FGFR4: variants seen among roughly 807,000 people sequenced by gnomAD.
FGFR4 encodes fibroblast growth factor receptor 4, also known as hydroxyaryl-protein kinase.
FGFR4 carries 63 observed loss-of-function variants against 89.9 expected under a neutral mutation model. That is an observed-to-expected ratio of 0.70 (90% confidence interval 0.57 to 0.86). The LOEUF is 0.86. FGFR4 is among the 40% of genes least tolerant of loss of function. The pLI, the probability that FGFR4 is intolerant of heterozygous loss-of-function variation, is 0.00. For synonymous variants in FGFR4, 486 were observed against 479.4 expected (o/e 1.01, Z -0.18); for missense variants, 928 against 1,106.7 (o/e 0.84, Z 2.29).
rs548911521 is a variant in FGFR4 at position 177,090,623 on chromosome 5, G to A, written c.325G>A (p.Val109Ile). The A allele has an allele frequency of 6.2e-5, 94 of 1,522,688 alleles. No individual in the cohort carries two copies. The South Asian group carries it at 8.7e-4, about 14-fold the overall frequency. 94.3% of individuals were successfully genotyped at this position (1,522,688 alleles called of 1,614,324 possible). ...YLCLARGSMI[V>I]LQNLTLITGD... Reference sequence around the variant, plus strand: ...CTGCCTGGCACGAGGCTCCATGATCGTCCTGCAGAATCTCACCTTGATTAC... The same window carrying A: ...CTGCCTGGCACGAGGCTCCATGATCATCCTGCAGAATCTCACCTTGATTAC... Residue 109 changes from valine (V) to isoleucine (I), a missense_variant, in exon 3 of 18, where the codon GTC becomes ATC. By Grantham distance (29) the Val-to-Ile change is conservative (BLOSUM62 3). Transcript: ENST00000292408.
At position 177,095,727 on chromosome 5, in the gene FGFR4, C is replaced by T. The variant is rs42409; in HGVS notation, c.1821+4C>T. ...GCAGTATCTGGAGTCCCGGAAGGTA[C>T]AGGCGCTAGGGCTCTGAGCCCCTCT... On this transcript the variant is annotated splice_donor_region_variant and intron_variant, in intron 13 of 17. Transcript: ENST00000292408. The surrounding 1 kb of genome is among the most constrained non-coding windows in gnomAD (Gnocchi z 5.7). 1,115,914 of 1,593,690 alleles carry T rather than the reference C, an allele frequency of 0.7. 397,395 individuals carry two copies. Among genetic ancestry groups the T allele is most frequent in the East Asian group, 0.98 (43,488 of 44,504 alleles).
rs1784425192 is a variant in FGFR4, at chr5:177,093,120, G to A, written c.1058-18G>A. Reference sequence around the variant, plus strand: ...CTGACCAGTTTGTCTGTCTGTGTGTGTCCATGTGCGAGGGCAGAGGAGGAC... The same window carrying A: ...CTGACCAGTTTGTCTGTCTGTGTGTATCCATGTGCGAGGGCAGAGGAGGAC... On this transcript the variant is annotated intron_variant, in intron 8 of 17. Transcript: ENST00000292408. The surrounding 1 kb of genome is among the most constrained non-coding windows in gnomAD (Gnocchi z 5.8). The A allele has an allele frequency of 6.2e-7, 1 of 1,614,040 alleles. No homozygotes were observed. The highest frequency in any genetic ancestry group is 8.5e-7 in the Non-Finnish European group (1 of 1,180,014).
Position 177,089,553 on chromosome 5 carries a change from G to A in FGFR4, c.-50G>A, listed in dbSNP as rs756812922. On this transcript the variant is annotated 5_prime_UTR_variant, in exon 2 of 18. Coordinates refer to ENST00000292408, the MANE Select transcript of FGFR4 (RefSeq NM_213647.3). ...CTCTTTTCCCTCCCTATTTTAGGAA[G>A]GCAGTTGGTGGGAAGTCCAGCTTGG... 6.3e-6 allele frequency: 10 copies of A among 1,579,298 alleles called. No homozygotes were observed. In the African/African-American group the frequency reaches 9.5e-5, roughly 15 times the overall value.
At chr5:177,092,532 CA>C (rs1221005393) in intron 7 of FGFR4, 21 bp downstream of exon 7, 1 of 1,561,168 alleles carries the variant, frequency 6.4e-7, no homozygotes, top group Non-Finnish European at 8.7e-7. Flanking sequence ...CACCCTGCTG[CA>C]GCCTGGGCCC....
chr5:177,089,996 G>A (rs574206733), intron 2 of FGFR4: 14 of 670,808 alleles, frequency 2.1e-5, no homozygotes, highest in African/African-American at 1.2e-4. Context: ...TGCACTGGGT[G>A]TGTGACCTAG....
chr5:177,096,276 C>T lies in FGFR4; in HGVS notation c.1945-11C>T, dbSNP rs1446500472. On this transcript the variant is annotated splice_polypyrimidine_tract_variant and intron_variant, in intron 14 of 17. Coordinates refer to ENST00000292408, the MANE Select transcript of FGFR4 (RefSeq NM_213647.3). ...GTGGGACTCTGCACTGAGGCCCTCTCTCCCCTCCAGGGCCGCCTGCCTGTG... is the reference window on the plus strand; with the variant it reads ...GTGGGACTCTGCACTGAGGCCCTCTTTCCCCTCCAGGGCCGCCTGCCTGTG... 1 of 1,614,076 alleles carries T rather than the reference C, an allele frequency of 6.2e-7. No homozygotes were observed. The highest frequency in any genetic ancestry group is 8.5e-7 in the Non-Finnish European group (1 of 1,179,982).
In FGFR4 at chr5:177,096,751, C is replaced by T; in HGVS notation, c.2153+10C>T. ...ACTGCCCCCCAGAGCTGTGAGGCCT[C>T]ACCCTGCCCTCGACCCCACTTTCCA... On this transcript the variant is annotated intron_variant, in intron 16 of 17. Transcript: ENST00000292408. 1 of 1,566,922 alleles carries T rather than the reference C, an allele frequency of 6.4e-7. No individual in the cohort carries two copies.
Position 177,095,601 on chromosome 5 carries a change from C to T in FGFR4, c.1699C>T (p.Pro567Ser), listed in dbSNP as rs755927074. 3 of 1,605,404 alleles carry T rather than the reference C, an allele frequency of 1.9e-6. No homozygotes were observed. The African/African-American group carries it at 4.0e-5, about 21-fold the overall frequency. The change falls in exon 13 of 18, where the codon CCC becomes TCC. Residue 567 changes from proline to serine, a missense_variant. Pro to Ser is a moderately conservative substitution (Grantham distance 74, BLOSUM62 -1). This residue lies in a region of FGFR4 where 741 missense variants were observed against 836.9 expected (regional missense o/e 0.89). Transcript: ENST00000292408. This position sits in a 1 kb window ranked among gnomAD's most constrained non-coding sequence, Gnocchi z 5.7. ...GCGGGAGTTCCTGCGGGCCCGGCGC[C>T]CCCCAGGCCCCGACCTCAGCCCCGA... ...NLREFLRARR[P>S]PGPDLSPDGP...
chr5:177,091,894 G>A, intron 6 of FGFR4, 86 bp downstream of exon 6: 1 of 1,538,878 alleles, frequency 6.5e-7, no homozygotes, highest in Non-Finnish European at 8.9e-7. Context: ...TGGCAGGCAG[G>A]ATGGACTCAG....
rs202111247 is a variant in FGFR4 at position 177,095,754 on chromosome 5, A to T, written c.1821+31A>T. ...GGCGCTAGGGCTCTGAGCCCCTCTC[A>T]GTCTCTCCAGCTCCACTCTCAGGCC... is the stretch of plus-strand genomic sequence containing the variant. On this transcript the variant is annotated intron_variant, in intron 13 of 17. Transcript: ENST00000292408. The surrounding 1 kb of genome is among the most constrained non-coding windows in gnomAD (Gnocchi z 5.7). The T allele has an allele frequency of 6.5e-3, 9,923 of 1,537,398 alleles. 49 individuals carry two copies. Among genetic ancestry groups the T allele is most frequent in the Non-Finnish European group, 7.5e-3 (8,537 of 1,143,162 alleles).
rs1471072972 is a variant in FGFR4, at chr5:177,095,618, C to T, written c.1716C>T (p.Leu572=). 1 of 1,605,444 alleles carries T rather than the reference C, an allele frequency of 6.2e-7. No individual in the cohort carries two copies. The highest frequency in any genetic ancestry group is 8.5e-7 in the Non-Finnish European group (1 of 1,177,134). ...LRARRPPGPD[L]SPDGPRSSEG... ...CCCGGCGCCCCCCAGGCCCCGACCT[C>T]AGCCCCGACGGTCCTCGGAGCAGTG... Residue 572 remains leucine (L), a synonymous_variant, in exon 13 of 18, where the codon CTC becomes CTT. Coordinates refer to ENST00000292408, the MANE Select transcript of FGFR4 (RefSeq NM_213647.3). The surrounding 1 kb of genome is among the most constrained non-coding windows in gnomAD (Gnocchi z 5.7).
In FGFR4 at chr5:177,093,147, C is replaced by T. The variant is rs377545768; in HGVS notation, c.1067C>T (p.Pro356Leu). The T allele has an allele frequency of 4.5e-5, 72 of 1,614,100 alleles. No individual in the cohort carries two copies. In the East Asian group the frequency reaches 1.1e-3, roughly 25 times the overall value. The stretch of plus-strand genomic sequence containing the variant: ...CCATGTGCGAGGGCAGAGGAGGACC[C>T]CACATGGACCGCAGCAGCGCCCGAG... ...AWLTVLPEED[P>L]TWTAAAPEAR... Residue 356 changes from proline (P) to leucine (L), a missense_variant, in exon 9 of 18, where the codon CCC becomes CTC. Pro to Leu is a moderately conservative substitution (Grantham distance 98). Around this residue, in one of 5 missense-constraint regions of FGFR4, gnomAD observed 741 missense variants for 836.9 expected, o/e 0.89. Coordinates refer to ENST00000292408, the MANE Select transcript of FGFR4 (RefSeq NM_213647.3). The surrounding 1 kb of genome is among the most constrained non-coding windows in gnomAD (Gnocchi z 5.8).
At chr5:177,097,492 G>A in intron 17 of FGFR4, 35 bp from the exon 18 acceptor site, 2 of 1,605,884 alleles carry the variant, frequency 1.2e-6, no homozygotes, top group Non-Finnish European at 1.7e-6. Context: ...CCCATCCCGG[G>A]CGCTGCAGAG....
rs941010259 is a variant in FGFR4, at chr5:177,093,865, G to A, written c.1519+90G>A. ...GAGGATCGCTTGAATCCAGGAATTCGAGGCCAGCCTGGGCAACATGGCAAG... is the reference window on the plus strand; with the variant it reads ...GAGGATCGCTTGAATCCAGGAATTCAAGGCCAGCCTGGGCAACATGGCAAG... On this transcript the variant is annotated intron_variant, in intron 11 of 17. Coordinates refer to ENST00000292408, the MANE Select transcript of FGFR4 (RefSeq NM_213647.3). The surrounding 1 kb of genome is among the most constrained non-coding windows in gnomAD (Gnocchi z 5.8). The A allele has an allele frequency of 4.2e-5, 60 of 1,440,202 alleles. No homozygotes were observed. The highest frequency in any genetic ancestry group is 4.8e-5 in the Non-Finnish European group (51 of 1,066,240). The allele number at this position is 1,440,202 out of a possible 1,614,324, so 89.2% of individuals were successfully genotyped here. A position where few individuals can be genotyped will look rare whatever the true frequency, so the allele number is the denominator to read the frequency against.
rs1342760066 is a variant in FGFR4 at position 177,096,640 on chromosome 5, C to G, written c.2052C>G (p.Thr684=). Residue 684 remains threonine (T), a synonymous_variant, in exon 16 of 18, where the codon ACC becomes ACG. Coordinates refer to ENST00000292408, the MANE Select transcript of FGFR4 (RefSeq NM_213647.3). The part of the protein sequence containing the change: ...SFGILLWEIF[T]LGGSPYPGIP... ...GGATCCTGCTATGGGAGATCTTCACCCTCGGGGGCTCCCCGTATCCTGGCA... is the reference window on the plus strand; with the variant it reads ...GGATCCTGCTATGGGAGATCTTCACGCTCGGGGGCTCCCCGTATCCTGGCA... 3.1e-6 allele frequency: 5 copies of G among 1,613,400 alleles called. No individual in the cohort carries two copies. Among genetic ancestry groups the G allele is most frequent in the Non-Finnish European group, 4.2e-6 (5 of 1,179,710 alleles).
Position 177,093,665 on chromosome 5 carries a change from G to A in FGFR4, c.1409G>A (p.Gly470Glu). ...TTCTCCATCTCCAGGCTGGTGCTTGGGAAGCCCCTAGGCGAGGGCTGCTTT... is the reference window on the plus strand; with the variant it reads ...TTCTCCATCTCCAGGCTGGTGCTTGAGAAGCCCCTAGGCGAGGGCTGCTTT... ...WEFPRDRLVLGKPLGEGCFGQ... is the reference protein window; with the variant it reads ...WEFPRDRLVLEKPLGEGCFGQ... Residue 470 changes from glycine (G) to glutamate (E), a missense_variant, in exon 11 of 18, where the codon GGG becomes GAG. By Grantham distance (98) the Gly-to-Glu change is moderately conservative (BLOSUM62 -2). This residue lies in a region of FGFR4 where 741 missense variants were observed against 836.9 expected (regional missense o/e 0.89). Transcript: ENST00000292408. This position sits in a 1 kb window ranked among gnomAD's most constrained non-coding sequence, Gnocchi z 5.8. 6.2e-7 allele frequency: 1 copy of A among 1,614,210 alleles called. No individual in the cohort carries two copies. Among genetic ancestry groups the A allele is most frequent in the Non-Finnish European group, 8.5e-7 (1 of 1,180,042 alleles).
rs975844209 is a variant in FGFR4, at chr5:177,091,720, C to T, written c.639C>T (p.Ser213=). The part of the protein sequence containing the change: ...RHQHWSLVME[S]VVPSDRGTYT... ...AGCACTGGAGTCTCGTGATGGAGAG[C>T]GTGGTGCCCTCGGACCGCGGCACAT... Residue 213 remains serine (S), a synonymous_variant, in exon 6 of 18, where the codon AGC becomes AGT. Coordinates refer to ENST00000292408, the MANE Select transcript of FGFR4 (RefSeq NM_213647.3). 5.0e-6 allele frequency: 8 copies of T among 1,614,214 alleles called. No individual in the cohort carries two copies. The highest frequency in any genetic ancestry group is 2.2e-5 in the East Asian group (1 of 44,882).
At position 177,087,337 on chromosome 5, in the gene FGFR4, C is replaced by G. The variant is rs1784186865; in HGVS notation, c.-54+260C>G. ...GGCAGGCTGGCCCTGTGCAGCTACCCTCGGGACCCATTGATTCGCACCTCC... is the reference window on the plus strand; with the variant it reads ...GGCAGGCTGGCCCTGTGCAGCTACCGTCGGGACCCATTGATTCGCACCTCC... On this transcript the variant is annotated intron_variant, in intron 1 of 17. Transcript: ENST00000292408. The surrounding 1 kb of genome is among the most constrained non-coding windows in gnomAD (Gnocchi z 6.1). 6.6e-6 allele frequency: 1 copy of G among 152,492 alleles called. No homozygotes were observed. Among genetic ancestry groups the G allele is most frequent in the Admixed American group, 6.5e-5 (1 of 15,292 alleles). The allele number at this position is 152,492 out of a possible 1,614,324, so 9.4% of individuals were successfully genotyped here. A position where few individuals can be genotyped will look rare whatever the true frequency, so the allele number is the denominator to read the frequency against.
Position 177,090,395 on chromosome 5 carries a change from T to TGCCTGGCTCCCA in FGFR4, c.104_115dup (p.Ala35_Leu38dup). The TGCCTGGCTCCCA allele has an allele frequency of 4.4e-6, 7 of 1,601,708 alleles. No homozygotes were observed. Among genetic ancestry groups the TGCCTGGCTCCCA allele is most frequent in the Non-Finnish European group, 5.9e-6 (7 of 1,179,924 alleles). ...CCTCTGCCCTCTGCCCACAGAGCCCTGCCTGGCTCCCAGCCTGGAGCAGCA... is the reference window on the plus strand; with the variant it reads ...CCTCTGCCCTCTGCCCACAGAGCCCTGCCTGGCTCCCAGCCTGGCTCCCAGCCTGGAGCAGCA... On this transcript the variant is annotated inframe_insertion, in exon 3 of 18. Transcript: ENST00000292408.
Sources: allele counts gnomAD v4.1 joint callset, GRCh38; gene constraint gnomAD v4.1.1; regional missense constraint gnomAD v4.1.1; non-coding constraint Gnocchi (gnomAD v3.1); transcripts MANE v1.5; gene names NCBI Gene and HGNC (gene_info 2026-07-23, HGNC 2026-07-21).